SPATA6: variants seen among roughly 807,000 people sequenced by gnomAD.
The protein encoded by SPATA6 is spermatogenesis-associated protein 6.
A neutral mutation model predicts 65.3 loss-of-function variants in SPATA6; 56 were observed. The observed-to-expected ratio is 0.86, with a 90% CI of 0.69 to 1.07. The LOEUF (loss-of-function observed/expected upper bound fraction) is 1.07, where lower values mean the gene tolerates loss of function less well. SPATA6 is among the 50% of genes least tolerant of loss of function. The pLI is 0.00. For missense variants in SPATA6, 590 were observed against 594.8 expected, an observed-to-expected ratio of 0.99 and a Z score of 0.08; for synonymous variants, 199 against 213.2, an observed-to-expected ratio of 0.93 and a Z score of 0.58.
chr1:48,399,480 A>C lies in SPATA6; in HGVS notation c.651T>G (p.Ser217=), dbSNP rs999967483. 5.6e-6 allele frequency: 9 copies of C among 1,613,124 alleles called. No individual in the cohort carries two copies. Among genetic ancestry groups the C allele is most frequent in the Non-Finnish European group, 7.6e-6 (9 of 1,179,512 alleles). Residue 217 remains serine, a synonymous_variant, in exon 7 of 13, where the codon TCT becomes TCG. Coordinates refer to ENST00000371847, the MANE Select transcript of SPATA6 (RefSeq NM_019073.4). ...TGCGTCTTTTTGTGTAGGGAGATGG[A>C]GAGTGTGATTTTGAAGAAATTGTAG... ...EQPTISSKSH[S]PSPYTKRRMC...
At chr1:48,325,099 G>A (rs1022896421) in intron 11 of SPATA6, 8 of 445,810 alleles carry the variant, frequency 1.8e-5, no homozygotes, top group African/African-American at 1.6e-4. Context: ...AGGAAGATGT[G>A]GGCTTCTTGT....
intron 9 of SPATA6, among the ~76,000 whole-genome samples, chr1:48,371,131 A>G (rs1020266255): frequency 3.9e-5 from 6 of 152,212 alleles, no homozygotes; most frequent in African/African-American, 1.4e-4. Flanking sequence ...CAACATGACA[A>G]GGCAGTTTAT....
At chr1:48,379,998 C>A (rs986386532) in intron 9 of SPATA6, among the ~76,000 whole-genome samples, 1 of 152,116 alleles carries the variant, frequency 6.6e-6, no homozygotes, top group Non-Finnish European at 1.5e-5. Context: ...CATTCCACAA[C>A]ATATACATAT....
the SPATA6 span, among the ~76,000 whole-genome samples, chr1:48,278,691 C>T: frequency 0.02 from 3,005 of 152,158 alleles, 122 homozygotes; most frequent in East Asian, 0.2. Flanking sequence ...GTGAAAAGAC[C>T]GAATCTACAT....
intron 8 of SPATA6, among the ~76,000 whole-genome samples, chr1:48,390,440 G>A (rs1050050608): frequency 6.6e-6 from 1 of 152,084 alleles, no homozygotes; most frequent in Non-Finnish European, 1.5e-5. Context: ...GATGAAGAGC[G>A]GTAGCTTAAC....
At chr1:48,464,917 G>T (rs12127509) in intron 1 of SPATA6, among the ~76,000 whole-genome samples, 2 of 151,862 alleles carry the variant, frequency 1.3e-5, no homozygotes, top group Middle Eastern at 3.4e-3. Context: ...AATCAATAAC[G>T]CAATAAATAT....
chr1:48,395,178 G>C, intron 8 of SPATA6, 89 bp downstream of exon 8: 1 of 959,596 alleles, frequency 1.0e-6, no homozygotes, highest in South Asian at 2.3e-5. Context: ...ATGTAACAAA[G>C]ATTCTGTTTT....
chr1:48,397,381 T>C (rs1650703385), intron 7 of SPATA6, among the ~76,000 whole-genome samples: 1 of 151,686 alleles, frequency 6.6e-6, no homozygotes, highest in African/African-American at 2.4e-5. Context: ...AAAGAAAAGA[T>C]CTTATTCTGC....
chr1:48,261,450 C>G, the SPATA6 span, among the ~76,000 whole-genome samples: 1 of 151,512 alleles, frequency 6.6e-6, no homozygotes, highest in African/African-American at 2.4e-5. Context: ...GAATGTAAAA[C>G]CTATTATGGC....
chr1:48,285,432 G>C, the SPATA6 span, among the ~76,000 whole-genome samples: 1 of 149,608 alleles, frequency 6.7e-6, no homozygotes, highest in Non-Finnish European at 1.5e-5. Flanking sequence ...TTCCAGGGGA[G>C]TGAATGGTTG....
At position 48,403,865 on chromosome 1, in the gene SPATA6, C is replaced by G; in HGVS notation, c.423G>C (p.Leu141=). 1 of 1,609,890 alleles carries G rather than the reference C, an allele frequency of 6.2e-7. No individual in the cohort carries two copies. The part of the protein sequence containing the change: ...ISGLRGNAPR[L]EFSTTSVITE... ...TAATCACTGAAGTCGTAGAAAATTC[C>G]AGCCTTGGAGCATTTCCCTGAGAAG... The change falls in exon 6 of 13, where the codon CTG becomes CTC. Residue 141 remains leucine (L), a synonymous_variant. Coordinates refer to ENST00000371847, the MANE Select transcript of SPATA6 (RefSeq NM_019073.4).
chr1:48,273,261 A>G, the SPATA6 span, among the ~76,000 whole-genome samples: 1 of 152,052 alleles, frequency 6.6e-6, no homozygotes. Context: ...ATTTAAGTCA[A>G]TCCATTTTGA....
At chr1:48,280,863 G>A in the SPATA6 span, among the ~76,000 whole-genome samples, 1 of 152,090 alleles carries the variant, frequency 6.6e-6, no homozygotes, top group African/African-American at 2.4e-5. Context: ...TACCAAAGCC[G>A]AGCAGAGACA....
chr1:48,385,335 C>G lies in SPATA6; in HGVS notation c.883G>C (p.Gly295Arg), dbSNP rs1375706196. The change falls in exon 9 of 13, where the codon GGC becomes CGC. Residue 295 changes from glycine (G) to arginine (R), a missense_variant. Gly to Arg is a moderately radical substitution (Grantham distance 125). Coordinates refer to ENST00000371847, the MANE Select transcript of SPATA6 (RefSeq NM_019073.4). ...SRVHNDHSHL[G>R]CCRPKDYKVI... ...TTATAATCCTTGGGTCGGCAGCAGC[C>G]AAGATGAGAATGATCTGAAAAAGGA... 6.2e-7 allele frequency: 1 copy of G among 1,607,114 alleles called. No homozygotes were observed. Among genetic ancestry groups the G allele is most frequent in the Non-Finnish European group, 8.5e-7 (1 of 1,177,692 alleles).
intron 12 of SPATA6, among the ~76,000 whole-genome samples, chr1:48,301,547 A>AC (rs200355267): frequency 0.028 from 3,997 of 144,588 alleles, 69 homozygotes; most frequent in South Asian, 0.072. Context: ...ACACACACAC[A>AC]AAAAAAAAAA....
At chr1:48,413,348 GGC>G (rs1476353993) in intron 3 of SPATA6, among the ~76,000 whole-genome samples, 197 bp from the exon 4 acceptor site, 1 of 149,614 alleles carries the variant, frequency 6.7e-6, no homozygotes, top group Non-Finnish European at 1.5e-5. Context: ...GGAGTGCAGT[GGC>G]GCAATCTTGG....
the SPATA6 span, among the ~76,000 whole-genome samples, chr1:48,277,876 C>T: frequency 1.8e-4 from 27 of 152,382 alleles, 1 homozygote; most frequent in Admixed American, 7.8e-4. Flanking sequence ...CAGACTGCCT[C>T]CTCAAGTGGG....
intron 3 of SPATA6, among the ~76,000 whole-genome samples, chr1:48,429,272 T>A (rs1157442793): frequency 2.6e-5 from 4 of 152,168 alleles, no homozygotes; most frequent in African/African-American, 9.7e-5. Context: ...GGACCAGAAT[T>A]CTTCTTCCCT....
At chr1:48,380,666 T>C (rs541658519) in intron 9 of SPATA6, among the ~76,000 whole-genome samples, 1 of 152,224 alleles carries the variant, frequency 6.6e-6, no homozygotes, top group African/African-American at 2.4e-5. Flanking sequence ...GATAATATGC[T>C]AGGTACTACC....
Sources: allele counts gnomAD v4.1 joint callset (sites outside exome capture counted in the v4.1 genomes callset), GRCh38; gene constraint gnomAD v4.1.1; transcripts MANE v1.5; gene names NCBI Gene and HGNC (gene_info 2026-07-23, HGNC 2026-07-21).